The following CBLIF variants were observed in gnomAD, a reference collection of about 807,000 sequenced individuals.
The protein encoded by CBLIF is cobalamin binding intrinsic factor.
A neutral mutation model predicts 44.9 loss-of-function variants in CBLIF; 24 were observed. That is an observed-to-expected ratio of 0.53 (90% CI 0.39 to 0.75). The LOEUF (loss-of-function observed/expected upper bound fraction) is 0.75. CBLIF is among the 30% of genes least tolerant of loss of function. CBLIF has a pLI of 0.00. For missense variants in CBLIF, 481 were observed against 513.0 expected, an observed-to-expected ratio of 0.94 and a Z score of 0.60; for synonymous variants, 183 against 190.9, an observed-to-expected ratio of 0.96 and a Z score of 0.34.
At chr11:59,842,250 C>T (rs1866541514) in intron 4 of CBLIF, among the ~76,000 whole-genome samples, 193 bp downstream of exon 4, 1 of 152,150 alleles carries the variant, frequency 6.6e-6, no homozygotes, top group Admixed American at 6.5e-5. Flanking sequence ...TAATACTACC[C>T]CCTCTTCCTT....
rs1400429615 is a variant in CBLIF, at chr11:59,841,178, T to C, written c.658A>G (p.Ile220Val). ...AGGCCAGTACTGTAGATGTCTCCAA[T>C]GATGCCATTATCTTTGATCTTCATG... ...ISMKIKDNGI[I>V]GDIYSTGLAM... Residue 220 changes from isoleucine to valine, a missense_variant, in exon 5 of 9, where the codon ATT (isoleucine) becomes GTT (valine). Coordinates refer to ENST00000257248, the MANE Select transcript of CBLIF (RefSeq NM_005142.3). 2 of 1,613,742 alleles carry C rather than the reference T, an allele frequency of 1.2e-6. No homozygotes were observed. Among genetic ancestry groups the C allele is most frequent in the Non-Finnish European group, 1.7e-6 (2 of 1,179,688 alleles).
At position 59,841,309 on chromosome 11, in the gene CBLIF, G is replaced by T; in HGVS notation, c.527C>A (p.Ala176Glu). 1 of 1,613,102 alleles carries T rather than the reference G, an allele frequency of 6.2e-7. No individual in the cohort carries two copies. Among genetic ancestry groups the T allele is most frequent in the Non-Finnish European group, 8.5e-7 (1 of 1,179,062 alleles). Residue 176 changes from alanine to glutamate, a missense_variant, in exon 5 of 9, where the codon GCA becomes GAA. Coordinates refer to ENST00000257248, the MANE Select transcript of CBLIF (RefSeq NM_005142.3). Reference protein sequence around the residue: ...SPFNVDTGAMATLALTCMYNK... With the variant: ...SPFNVDTGAMETLALTCMYNK... The stretch of plus-strand genomic sequence containing the variant: ...GTACATACAGGTCAGAGCCAAGGTT[G>T]CCATTGCTCCTGTGTCTGTGAATGA...
intron 7 of CBLIF, among the ~76,000 whole-genome samples, chr11:59,832,843 T>C (rs1866390132): frequency 6.6e-6 from 1 of 152,192 alleles, no homozygotes; most frequent in Non-Finnish European, 1.5e-5. Context: ...ATATGAGTGA[T>C]GGAATGAATA....
Position 59,841,201 on chromosome 11 carries a change from A to C in CBLIF, c.635T>G (p.Met212Arg). 1 of 1,613,636 alleles carries C rather than the reference A, an allele frequency of 6.2e-7. No homozygotes were observed. Among genetic ancestry groups the C allele is most frequent in the Non-Finnish European group, 8.5e-7 (1 of 1,179,526 alleles). Residue 212 changes from methionine (M) to arginine (R), a missense_variant, in exon 5 of 9, where the codon ATG becomes AGG. Physicochemically the swap from Met to Arg is moderately conservative, Grantham distance 91. Transcript: ENST00000257248. ...AATGATGCCATTATCTTTGATCTTC[A>C]TGCTGATTTTCTCCACAATATCCTT... Reference protein sequence around the residue: ...VLKDIVEKISMKIKDNGIIGD... With the variant: ...VLKDIVEKISRKIKDNGIIGD...
chr11:59,837,570 T>C (rs1348593798), intron 5 of CBLIF, among the ~76,000 whole-genome samples: 5 of 152,232 alleles, frequency 3.3e-5, no homozygotes, highest in Non-Finnish European at 5.9e-5. Context: ...CACAGAACTG[T>C]GCAATGATCA....
chr11:59,830,056 A>AAGAT (rs1202760726), intron 8 of CBLIF, among the ~76,000 whole-genome samples: 1 of 152,152 alleles, frequency 6.6e-6, no homozygotes, highest in Non-Finnish European at 1.5e-5. Context: ...CAGAACAGGA[A>AAGAT]AGATAGATGA....
Position 59,843,924 on chromosome 11 carries a change from C to A in CBLIF, c.211G>T (p.Ala71Ser). 6.2e-7 allele frequency: 1 copy of A among 1,613,762 alleles called. No individual in the cohort carries two copies. The highest frequency in any genetic ancestry group is 8.5e-7 in the Non-Finnish European group (1 of 1,179,782). Residue 71 changes from alanine to serine, a missense_variant, in exon 2 of 9, where the codon GCC becomes TCC. Coordinates refer to ENST00000257248, the MANE Select transcript of CBLIF (RefSeq NM_005142.3). ...MNLAGAYNLK[A>S]QKLLTYQLMS... ...AGCTGGTAAGTCAGGAGCTTCTGGG[C>A]CTTCAAGTTGTAGGCTCCGGCCAGA...
intron 4 of CBLIF, among the ~76,000 whole-genome samples, chr11:59,841,972 C>T (rs369266581): frequency 5.3e-5 from 8 of 152,008 alleles, no homozygotes; most frequent in African/African-American, 1.7e-4. Context: ...CCCGAGTTGC[C>T]ATGAAGGGAA....
intron 6 of CBLIF, among the ~76,000 whole-genome samples, chr11:59,836,477 T>C (rs76526975): frequency 0.024 from 3,605 of 152,274 alleles, 145 homozygotes; most frequent in African/African-American, 0.083. Context: ...TCCAAATGCA[T>C]ATTTCTGTAA....
At chr11:59,838,414 C>T (rs988629283) in intron 5 of CBLIF, among the ~76,000 whole-genome samples, 7 of 152,056 alleles carry the variant, frequency 4.6e-5, no homozygotes, top group African/African-American at 1.2e-4. Context: ...CTTTACAGTG[C>T]GATTATGGCC....
intron 5 of CBLIF, 82 bp downstream of exon 5, chr11:59,841,061 G>T: frequency 1.0e-6 from 1 of 987,644 alleles, no homozygotes; most frequent in Non-Finnish European, 1.6e-6. Context: ...TCACAGAGAT[G>T]TTAGTAGAAG....
rs374458119 is a variant in CBLIF at position 59,841,162 on chromosome 11, C to G, written c.674G>C (p.Ser225Thr). 1.9e-6 allele frequency: 3 copies of G among 1,613,610 alleles called. No individual in the cohort carries two copies. The African/African-American group carries it at 4.0e-5, about 22-fold the overall frequency. Residue 225 changes from serine to threonine, a missense_variant, in exon 5 of 9, where the codon AGT becomes ACT. Physicochemically the swap from Ser to Thr is moderately conservative, Grantham distance 58 (BLOSUM62 1). Transcript: ENST00000257248. ...KDNGIIGDIY[S>T]TGLAMQALSV... ...GTTTACCTGCATGGCGAGGCCAGTACTGTAGATGTCTCCAATGATGCCATT... is the reference window on the plus strand; with the variant it reads ...GTTTACCTGCATGGCGAGGCCAGTAGTGTAGATGTCTCCAATGATGCCATT...
intron 7 of CBLIF, among the ~76,000 whole-genome samples, chr11:59,834,335 C>CCTTT (rs1866423761): frequency 7.3e-6 from 1 of 136,090 alleles, no homozygotes; most frequent in South Asian, 2.3e-4. Flanking sequence ...TTCCTTCCTT[C>CCTTT]CTTTTTCTTT....
intron 8 of CBLIF, among the ~76,000 whole-genome samples, chr11:59,829,792 C>T (rs753777618): frequency 2.6e-5 from 4 of 152,136 alleles, no homozygotes; most frequent in Non-Finnish European, 4.4e-5. Context: ...TTAAGATGCG[C>T]GAGTCTCTTT....
chr11:59,841,077 C>T (rs762714720), intron 5 of CBLIF, 66 bp downstream of exon 5: 124 of 1,126,608 alleles, frequency 1.1e-4, no homozygotes, highest in Non-Finnish European at 1.4e-4. Flanking sequence ...AGAAGCCTGG[C>T]CTCTTGATTC....
chr11:59,843,575 G>A (rs546716615), intron 2 of CBLIF, among the ~76,000 whole-genome samples: 2 of 152,282 alleles, frequency 1.3e-5, no homozygotes, highest in Admixed American at 6.5e-5. Context: ...GCAAGGTGAG[G>A]CTGAGCAGTA....
chr11:59,838,983 G>A (rs1412077658), intron 5 of CBLIF, among the ~76,000 whole-genome samples: 2 of 151,636 alleles, frequency 1.3e-5, no homozygotes, highest in African/African-American at 2.4e-5. Context: ...TGAGCAGCTG[G>A]GATTATAGGT....
At chr11:59,843,199 G>A in intron 2 of CBLIF, 58 bp from the exon 3 acceptor site, 2 of 1,018,944 alleles carry the variant, frequency 2.0e-6, no homozygotes, top group South Asian at 2.5e-5. Context: ...CAGCTCTCCA[G>A]GAGCCAGTGA....
intron 7 of CBLIF, among the ~76,000 whole-genome samples, chr11:59,834,749 T>C (rs1338237269): frequency 1.3e-5 from 2 of 152,182 alleles, no homozygotes; most frequent in Admixed American, 6.5e-5. Context: ...TAAACATATC[T>C]AAGGAATTTA....
Sources: gnomAD v4.1 joint callset for allele counts (sites outside exome capture counted in the v4.1 genomes callset) on GRCh38, gnomAD v4.1.1 for gene constraint, MANE v1.5 for transcripts, NCBI Gene and HGNC (gene_info 2026-07-23, HGNC 2026-07-21) for gene names.